LNX1: variants seen among roughly 807,000 people sequenced by gnomAD.
The protein encoded by LNX1 is ligand of numb-protein X 1.
A neutral mutation model predicts 68.4 loss-of-function variants in LNX1; 54 were observed. That is an observed-to-expected ratio of 0.79 (90% CI 0.63 to 0.99). The LOEUF (loss-of-function observed/expected upper bound fraction) is 0.99, where lower values mean the gene tolerates loss of function less well. Ranked by LOEUF, LNX1 falls within the 50% of genes least tolerant of loss-of-function variation. The probability of loss-of-function intolerance (pLI) is 0.00; values close to 1 mark genes in which losing one functional copy is unlikely to be tolerated. For missense variants in LNX1, 906 were observed against 926.4 expected (o/e 0.98, Z 0.29); for synonymous variants, 336 against 350.0 (o/e 0.96, Z 0.45).
At chr4:53,468,644 G>A (rs946650917) in intron 9 of LNX1, among the ~76,000 whole-genome samples, 3 of 151,990 alleles carry the variant, frequency 2.0e-5, no homozygotes, top group African/African-American at 7.3e-5. Flanking sequence ...GATGGAAGAA[G>A]ATCTACCAAG....
intron 2 of LNX1, among the ~76,000 whole-genome samples, chr4:53,513,148 C>T (rs922058417): frequency 1.8e-4 from 28 of 152,116 alleles, no homozygotes; most frequent in African/African-American, 6.5e-4. Flanking sequence ...ATGTTCCCAT[C>T]GCTTCCAGGC....
At chr4:53,581,259 A>G (rs1479968639) in intron 1 of LNX1, among the ~76,000 whole-genome samples, 2 of 152,176 alleles carry the variant, frequency 1.3e-5, no homozygotes, top group East Asian at 3.8e-4. Context: ...AATTTTTTTC[A>G]GATCATTAAG....
rs773842071 is a variant in LNX1 at position 53,519,116 on chromosome 4, G to A, written c.381-10889C>T. ...TGGTCCCCACATGCCCAGGCTGGCT[G>A]TCTCACTGCCCCTCTTCCTCTCCAA... On this transcript the variant is annotated intron_variant, in intron 2 of 10. Transcript: ENST00000263925. Among the ~76,000 whole-genome samples, 101 of 152,222 alleles carry A rather than the reference G, an allele frequency of 6.6e-4. 1 individual carries two copies. Among genetic ancestry groups the A allele is most frequent in the Admixed American group, 7.2e-4 (11 of 15,284 alleles).
chr4:53,570,727 CA>C (rs1393576624), intron 2 of LNX1, among the ~76,000 whole-genome samples: 5 of 148,894 alleles, frequency 3.4e-5, no homozygotes, highest in African/African-American at 2.5e-5. Context: ...TGCATATTTT[CA>C]AAAAAAAAGA....
chr4:53,463,817 G>GT (rs1348807230), intron 9 of LNX1, among the ~76,000 whole-genome samples: 6 of 151,936 alleles, frequency 3.9e-5, no homozygotes, highest in African/African-American at 1.4e-4. Context: ...AAGAAGCTAA[G>GT]TTTTTTTCTA....
At chr4:53,463,238 T>C (rs373201232) in intron 9 of LNX1, among the ~76,000 whole-genome samples, 13 of 152,178 alleles carry the variant, frequency 8.5e-5, no homozygotes, top group East Asian at 5.8e-4. Flanking sequence ...TTCTAACCTC[T>C]TGATACTGGA....
At chr4:53,488,916 C>T (rs1350059054) in intron 6 of LNX1, among the ~76,000 whole-genome samples, 1 of 152,154 alleles carries the variant, frequency 6.6e-6, no homozygotes, top group Non-Finnish European at 1.5e-5. Context: ...CCCTTCCCTT[C>T]CTTCCAGTGA....
At chr4:53,638,142 G>A (rs370303260) in intron 1 of LNX1, among the ~76,000 whole-genome samples, 2 of 152,122 alleles carry the variant, frequency 1.3e-5, no homozygotes, top group Admixed American at 1.3e-4. Flanking sequence ...TTGTCATTGG[G>A]CATATTTTGT....
chr4:53,489,551 A>T (rs897267884), intron 6 of LNX1, among the ~76,000 whole-genome samples: 35 of 152,046 alleles, frequency 2.3e-4, no homozygotes, highest in African/African-American at 8.5e-4. Flanking sequence ...TACTCTCATG[A>T]TTATGTTCTA....
intron 2 of LNX1, among the ~76,000 whole-genome samples, chr4:53,531,345 T>C (rs553908333): frequency 6.6e-6 from 1 of 152,318 alleles, no homozygotes; most frequent in South Asian, 2.1e-4. Context: ...TTCATTCTCT[T>C]AAGTAAATCA....
chr4:53,574,612 C>T (rs1170113655), intron 1 of LNX1, among the ~76,000 whole-genome samples: 2 of 152,144 alleles, frequency 1.3e-5, no homozygotes, highest in Admixed American at 6.5e-5. Context: ...ATGATAAATG[C>T]ACTGTTGTCT....
At chr4:53,541,794 A>G (rs1728782339) in intron 2 of LNX1, among the ~76,000 whole-genome samples, 1 of 152,244 alleles carries the variant, frequency 6.6e-6, no homozygotes, top group Admixed American at 6.5e-5. Context: ...TTTACAAGTA[A>G]AAGAGGCAAA....
chr4:53,577,926 T>C (rs1731602708), intron 1 of LNX1, among the ~76,000 whole-genome samples: 1 of 152,206 alleles, frequency 6.6e-6, no homozygotes, highest in African/African-American at 2.4e-5. Flanking sequence ...TTTTTTCATC[T>C]AACAGTTCTT....
chr4:53,461,678 T>C (rs2150549828), intron 9 of LNX1, 85 bp from the exon 10 acceptor site: 1 of 1,078,590 alleles, frequency 9.3e-7, no homozygotes, highest in Non-Finnish European at 1.3e-6. Flanking sequence ...TCCATTCCTT[T>C]TGTTGGCATT....
At chr4:53,486,034 A>T (rs1212839561) in intron 6 of LNX1, among the ~76,000 whole-genome samples, 2 of 152,170 alleles carry the variant, frequency 1.3e-5, no homozygotes, top group Non-Finnish European at 2.9e-5. Context: ...ATTAGAAGAC[A>T]TGACTTAAAG....
chr4:53,509,864 G>C (rs944240632), intron 2 of LNX1, among the ~76,000 whole-genome samples: 1 of 152,160 alleles, frequency 6.6e-6, no homozygotes, highest in African/African-American at 2.4e-5. Context: ...CCAGTCGCAC[G>C]AGTACCCCTT....
chr4:53,612,558 G>T (rs780289369), intron 2 of LNX1, among the ~76,000 whole-genome samples: 10 of 152,134 alleles, frequency 6.6e-5, no homozygotes, highest in Non-Finnish European at 1.3e-4. Flanking sequence ...ATAAATTAAC[G>T]CTTGTAATCC....
chr4:53,628,357 A>G (rs1383734252), intron 1 of LNX1, among the ~76,000 whole-genome samples: 1 of 152,234 alleles, frequency 6.6e-6, no homozygotes, highest in African/African-American at 2.4e-5. Flanking sequence ...TCTCAAAAAA[A>G]GTTATACAAA....
chr4:53,584,481 G>A (rs555553222), intron 1 of LNX1, among the ~76,000 whole-genome samples: 79 of 152,330 alleles, frequency 5.2e-4, no homozygotes, highest in Admixed American at 7.8e-4. Context: ...CTTTGGAGGA[G>A]AGACAATAGA....
Sources: gnomAD v4.1 joint callset for allele counts (sites outside exome capture counted in the v4.1 genomes callset) on GRCh38, gnomAD v4.1.1 for gene constraint, MANE v1.5 for transcripts, NCBI Gene and HGNC (gene_info 2026-07-23, HGNC 2026-07-21) for gene names.